PLPPR5: variants seen among roughly 807,000 people sequenced by gnomAD.
PLPPR5 encodes phospholipid phosphatase-related protein type 5.
In PLPPR5, 16 loss-of-function variants were observed where a neutral mutation model predicts 33.9. That is an observed-to-expected ratio of 0.47 (90% CI 0.32 to 0.72). PLPPR5 has a LOEUF of 0.72. Ranked by LOEUF, PLPPR5 falls within the 30% of genes least tolerant of loss-of-function variation. PLPPR5 has a pLI of 0.03. For missense variants in PLPPR5, 301 were observed against 406.7 expected, an observed-to-expected ratio of 0.74 and a Z score of 2.23; for synonymous variants, 163 against 150.3, an observed-to-expected ratio of 1.08 and a Z score of -0.62.
chr1:98,975,403 A>T (rs1259735336), intron 1 of PLPPR5, among the ~76,000 whole-genome samples: 3 of 152,096 alleles, frequency 2.0e-5, no homozygotes. Flanking sequence ...ACGGCATGTG[A>T]TTCATGTCCT....
intron 3 of PLPPR5, among the ~76,000 whole-genome samples, chr1:98,938,158 A>G (rs1650240912): frequency 6.6e-6 from 1 of 152,116 alleles, no homozygotes; most frequent in South Asian, 2.1e-4. Flanking sequence ...CAAAAAGAAA[A>G]AGGAAAAAAA....
intron 5 of PLPPR5, among the ~76,000 whole-genome samples, chr1:98,908,715 T>C (rs1025528722): frequency 7.2e-5 from 11 of 152,136 alleles, no homozygotes; most frequent in Non-Finnish European, 1.5e-4. Context: ...CCAGGGCTAA[T>C]GGTACCTAAA....
intron 1 of PLPPR5, among the ~76,000 whole-genome samples, chr1:98,988,254 G>C (rs796477922): frequency 1.6e-4 from 24 of 152,252 alleles, no homozygotes; most frequent in African/African-American, 5.5e-4. Context: ...AACTTGCAAA[G>C]AGCCTATGTG....
intron 1 of PLPPR5, among the ~76,000 whole-genome samples, chr1:98,962,577 A>C (rs1307002577): frequency 2.0e-5 from 3 of 152,016 alleles, no homozygotes; most frequent in Non-Finnish European, 4.4e-5. Flanking sequence ...TTGTGCTTCC[A>C]TTTTCTCTGC....
intron 1 of PLPPR5, among the ~76,000 whole-genome samples, chr1:99,000,902 A>ATATAATGC (rs1164689504): frequency 1.6e-4 from 25 of 152,162 alleles, no homozygotes; most frequent in African/African-American, 4.8e-4. Flanking sequence ...ACTCAGCCAG[A>ATATAATGC]TATAATGCTT....
intron 3 of PLPPR5, among the ~76,000 whole-genome samples, chr1:98,952,032 G>A (rs546394719): frequency 7.9e-5 from 12 of 152,136 alleles, no homozygotes; most frequent in Non-Finnish European, 1.5e-4. Flanking sequence ...GGAGGCCAAG[G>A]TGGGCAGATC....
intron 3 of PLPPR5, among the ~76,000 whole-genome samples, chr1:98,948,983 A>G (rs1046278438): frequency 6.6e-6 from 1 of 152,194 alleles, no homozygotes; most frequent in Non-Finnish European, 1.5e-5. Context: ...TCAGAATTGG[A>G]AGTGACCCGA....
chr1:98,983,586 C>T (rs1184072482), intron 1 of PLPPR5, among the ~76,000 whole-genome samples: 13 of 151,050 alleles, frequency 8.6e-5, no homozygotes, highest in African/African-American at 3.2e-4. Flanking sequence ...GATTTATAGT[C>T]CTTTGGGTAT....
chr1:98,991,044 T>G (rs966654096), intron 1 of PLPPR5: 5 of 152,170 alleles, frequency 3.3e-5, no homozygotes, highest in Non-Finnish European at 7.4e-5. Context: ...TAATTAACTA[T>G]AATGCACAAC....
intron 5 of PLPPR5, among the ~76,000 whole-genome samples, chr1:98,907,601 CT>C (rs1247108951): frequency 2.6e-5 from 4 of 152,222 alleles, no homozygotes; most frequent in Non-Finnish European, 5.9e-5. Context: ...ATTATTCATG[CT>C]TGAAATAGGA....
intron 1 of PLPPR5, among the ~76,000 whole-genome samples, chr1:98,972,884 T>C (rs1395949391): frequency 1.3e-5 from 2 of 152,046 alleles, no homozygotes; most frequent in Admixed American, 6.6e-5. Flanking sequence ...GCTTCTGAAA[T>C]AGGAGTTTAT....
At chr1:98,930,319 A>C (rs1413759740) in intron 3 of PLPPR5, among the ~76,000 whole-genome samples, 1 of 152,190 alleles carries the variant, frequency 6.6e-6, no homozygotes, top group Non-Finnish European at 1.5e-5. Context: ...TTAAATCTTT[A>C]GGACTCAAAA....
intron 1 of PLPPR5, among the ~76,000 whole-genome samples, chr1:98,999,084 C>G (rs752326689): frequency 1.3e-5 from 2 of 152,116 alleles, no homozygotes; most frequent in Non-Finnish European, 1.5e-5. Context: ...TTCAGACTCC[C>G]AATTTGTGAG....
intron 3 of PLPPR5, among the ~76,000 whole-genome samples, chr1:98,922,829 C>CA (rs1450958411): frequency 1.3e-5 from 2 of 151,898 alleles, no homozygotes; most frequent in African/African-American, 2.4e-5. Context: ...ACTAAGAATA[C>CA]AAAAAATCAG....
chr1:98,914,945 G>T, intron 4 of PLPPR5, 25 bp from the exon 5 acceptor site: 1 of 1,600,764 alleles, frequency 6.2e-7, no homozygotes, highest in Non-Finnish European at 8.5e-7. Flanking sequence ...GACAATTACA[G>T]TTAAAGCAAA....
At chr1:98,930,252 A>G (rs774275082) in intron 3 of PLPPR5, among the ~76,000 whole-genome samples, 9 of 152,218 alleles carry the variant, frequency 5.9e-5, no homozygotes, top group Non-Finnish European at 1.3e-4. Flanking sequence ...TTAATAGTAT[A>G]ACAATAAAAG....
intron 3 of PLPPR5, among the ~76,000 whole-genome samples, chr1:98,922,999 C>CAAAA (rs141898134): frequency 6.7e-6 from 1 of 149,526 alleles, no homozygotes. Flanking sequence ...ACAACAACAA[C>CAAAA]AACAAAAAAA....
At chr1:98,921,563 G>C (rs1294134698) in intron 4 of PLPPR5, among the ~76,000 whole-genome samples, 1 of 152,072 alleles carries the variant, frequency 6.6e-6, no homozygotes, top group Non-Finnish European at 1.5e-5. Flanking sequence ...AAATATTATA[G>C]GCAGTTTTTA....
chr1:98,930,463 T>C (rs188420390), intron 3 of PLPPR5, among the ~76,000 whole-genome samples: 178 of 152,264 alleles, frequency 1.2e-3, no homozygotes, highest in African/African-American at 4.1e-3. Context: ...AAATTTTAAA[T>C]ATTAAGTCAC....
Sources: allele counts gnomAD v4.1 joint callset (sites outside exome capture counted in the v4.1 genomes callset), GRCh38; gene constraint gnomAD v4.1.1; transcripts MANE v1.5; gene names NCBI Gene and HGNC (gene_info 2026-07-23, HGNC 2026-07-21).